The following PCDHGA3 variants were observed in gnomAD, a reference collection of about 807,000 sequenced individuals.
PCDHGA3 encodes the protein protocadherin gamma subfamily A, 3, also known as protocadherin gamma-A3.
A neutral mutation model predicts 58.5 loss-of-function variants in PCDHGA3; 40 were observed. That is an observed-to-expected ratio of 0.68 (90% CI 0.53 to 0.89). PCDHGA3 has a LOEUF of 0.89. Ranked by LOEUF, PCDHGA3 falls within the 40% of genes least tolerant of loss-of-function variation. The pLI is 0.00. For missense variants in PCDHGA3, 1,223 were observed against 1,195.9 expected (o/e 1.02, Z -0.33); for synonymous variants, 530 against 525.7 (o/e 1.01, Z -0.11).
chr5:141,430,413 A>G lies in PCDHGA3; in HGVS notation c.2425-64394A>G, dbSNP rs1437560579. ...AAAAAAAAAGCTCACTAAAGTTTCTATTAAAGCGAATACGGTAGATTTCCA... is the reference window on the plus strand; with the variant it reads ...AAAAAAAAAGCTCACTAAAGTTTCTGTTAAAGCGAATACGGTAGATTTCCA... On this transcript the variant is annotated intron_variant, in intron 1 of 3. Coordinates refer to ENST00000253812, the MANE Select transcript of PCDHGA3 (RefSeq NM_018916.4). Among the ~76,000 whole-genome samples the G allele has an allele frequency of 2.0e-5, 3 of 151,870 alleles. No homozygotes were observed. In the South Asian group the frequency reaches 6.2e-4, roughly 31 times the overall value.
At chr5:141,446,822 A>G (rs976227044) in intron 1 of PCDHGA3, among the ~76,000 whole-genome samples, 1 of 152,206 alleles carries the variant, frequency 6.6e-6, no homozygotes, top group African/African-American at 2.4e-5. Flanking sequence ...TCAGATGGGT[A>G]GATCCTTATA....
At chr5:141,393,154 G>GA in intron 1 of PCDHGA3, 1 of 1,613,294 alleles carries the variant, frequency 6.2e-7, no homozygotes, top group Non-Finnish European at 8.5e-7. Flanking sequence ...GAGGATAAAG[G>GA]AAAACTCTTT....
At chr5:141,434,875 A>G (rs2097725018) in intron 1 of PCDHGA3, among the ~76,000 whole-genome samples, 1 of 151,990 alleles carries the variant, frequency 6.6e-6, no homozygotes, top group African/African-American at 2.4e-5. Flanking sequence ...TGTGACAGAT[A>G]CCAACAACAA....
At chr5:141,370,390 G>C in intron 1 of PCDHGA3, 1 of 1,543,894 alleles carries the variant, frequency 6.5e-7, no homozygotes. Flanking sequence ...GGCGCAGAGA[G>C]CGGGATGGGA....
At chr5:141,452,554 G>A (rs2098744143) in intron 1 of PCDHGA3, among the ~76,000 whole-genome samples, 1 of 152,140 alleles carries the variant, frequency 6.6e-6, no homozygotes, top group Admixed American at 6.5e-5. Context: ...TCCAGTTCTG[G>A]TTCTTCCTAG....
At chr5:141,404,776 A>G (rs2094566348) in intron 1 of PCDHGA3, 1 of 1,612,952 alleles carries the variant, frequency 6.2e-7, no homozygotes, top group Non-Finnish European at 8.5e-7. Flanking sequence ...CCTACCGCCT[A>G]TTCAAGGCCA....
intron 1 of PCDHGA3, among the ~76,000 whole-genome samples, chr5:141,397,411 T>G (rs1464488353): frequency 6.6e-6 from 1 of 152,210 alleles, no homozygotes; most frequent in East Asian, 1.9e-4. Context: ...AAAATAGTTT[T>G]AAATAGTATA....
At chr5:141,421,030 G>C (rs989158485) in intron 1 of PCDHGA3, 2 of 532,352 alleles carry the variant, frequency 3.8e-6, no homozygotes, top group African/African-American at 3.9e-5. Context: ...GCGCCATTGA[G>C]TCCCTCCCTC....
intron 1 of PCDHGA3, chr5:141,361,685 AGCGCGCCTTCGATCATGAGCAGCT>A (rs772108372): frequency 1.1e-5 from 18 of 1,613,452 alleles, no homozygotes; most frequent in Non-Finnish European, 1.4e-5. Context: ...GTGTTCGCGC[AGCGCGCCTTCGATCATGAGCAGCT>A]GCGCGCCTTC....
At chr5:141,371,292 G>T (rs527250082) in intron 1 of PCDHGA3, 1 of 1,613,858 alleles carries the variant, frequency 6.2e-7, no homozygotes, top group South Asian at 1.1e-5. Flanking sequence ...TAAAACGGGG[G>T]AACTCACCAC....
At chr5:141,355,936 G>A (rs1462167461) in intron 1 of PCDHGA3, 31 of 1,613,826 alleles carry the variant, frequency 1.9e-5, no homozygotes, top group Non-Finnish European at 2.5e-5. Flanking sequence ...CACTCAGCCC[G>A]AGTACCACGT....
intron 1 of PCDHGA3, chr5:141,370,440 A>G (rs1390213172): frequency 6.2e-7 from 1 of 1,605,404 alleles, no homozygotes; most frequent in Non-Finnish European, 8.5e-7. Flanking sequence ...GCAGAGGCGA[A>G]TGCTATTTCT....
In PCDHGA3 at chr5:141,431,357, C is replaced by G. The variant is rs762220618; in HGVS notation, c.2425-63450C>G. 1.9e-5 allele frequency: 31 copies of G among 1,613,926 alleles called. No homozygotes were observed. Among genetic ancestry groups the G allele is most frequent in the Non-Finnish European group, 2.2e-5 (26 of 1,180,046 alleles). On this transcript the variant is annotated intron_variant, in intron 1 of 3. Coordinates refer to ENST00000253812, the MANE Select transcript of PCDHGA3 (RefSeq NM_018916.4). The surrounding 1 kb of genome is among the most constrained non-coding windows in gnomAD (Gnocchi z 4.8). ...CCCCGAATTGGTGCTGAAACGCGCC[C>G]TGGACCGCGAAGAAAAGGCTGCTCA...
At chr5:141,351,079 G>T in intron 1 of PCDHGA3, 1 of 1,614,028 alleles carries the variant, frequency 6.2e-7, no homozygotes, top group Non-Finnish European at 8.5e-7. Context: ...TTAATGCAGA[G>T]ATCACCTATG....
At chr5:141,427,146 AAT>A (rs1561826638) in intron 1 of PCDHGA3, 1 of 456,990 alleles carries the variant, frequency 2.2e-6, no homozygotes, top group Non-Finnish European at 4.4e-6. Context: ...TGATATTGGA[AAT>A]ATGTTTGTGC....
At position 141,464,471 on chromosome 5, in the gene PCDHGA3, G is replaced by A. The variant is rs142068327; in HGVS notation, c.2425-30336G>A. On this transcript the variant is annotated intron_variant, in intron 1 of 3. Coordinates refer to ENST00000253812, the MANE Select transcript of PCDHGA3 (RefSeq NM_018916.4). ...TTGTTGTTATTTTTGAAGTATGTAC[G>A]TATAATAAATTCCTAATAGTGTGAT... Among the ~76,000 whole-genome samples, 204 of 151,612 alleles carry A rather than the reference G, an allele frequency of 1.3e-3. 1 individual carries two copies. The highest frequency in any genetic ancestry group is 2.3e-3 in the Non-Finnish European group (156 of 67,928).
At chr5:141,430,715 A>T in intron 1 of PCDHGA3, 1 of 1,483,384 alleles carries the variant, frequency 6.7e-7, no homozygotes, top group Non-Finnish European at 8.9e-7. Context: ...TCCTGACTTC[A>T]GTGGTTAAGG....
chr5:141,453,323 G>A (rs1313870724), intron 1 of PCDHGA3, among the ~76,000 whole-genome samples: 1 of 151,482 alleles, frequency 6.6e-6, no homozygotes, highest in Non-Finnish European at 1.5e-5. Context: ...TTTAGAGATG[G>A]GGTCTCACTA....
intron 1 of PCDHGA3, chr5:141,403,784 G>C: frequency 1.9e-6 from 3 of 1,613,906 alleles, no homozygotes; most frequent in East Asian, 2.2e-5. Context: ...CGGAAAAGTG[G>C]CATACAAATT....
Sources: gnomAD v4.1 joint callset for allele counts (sites outside exome capture counted in the v4.1 genomes callset) on GRCh38, gnomAD v4.1.1 for gene constraint, Gnocchi (gnomAD v3.1) non-coding constraint, MANE v1.5 for transcripts, NCBI Gene and HGNC (gene_info 2026-07-23, HGNC 2026-07-21) for gene names.